The following ZC3H12B variants were observed in gnomAD, a reference collection of about 807,000 sequenced individuals.
ZC3H12B encodes zinc finger CCCH-type containing 12B, also known as probable ribonuclease ZC3H12B.
In ZC3H12B, 7 loss-of-function variants were observed where a neutral mutation model predicts 43.9. That is an observed-to-expected ratio of 0.16 (90% CI 0.09 to 0.30). The LOEUF (loss-of-function observed/expected upper bound fraction) is 0.30, where lower values mean the gene tolerates loss of function less well. Among genes scored for constraint, ZC3H12B ranks in the 10% least tolerant of loss-of-function variants. ZC3H12B has a pLI of 1.00. For synonymous variants in ZC3H12B, 222 were observed against 241.7 expected (o/e 0.92, Z 0.76); for missense variants, 475 against 670.2 (o/e 0.71, Z 3.22).
chrX:65,346,945 A>G, the ZC3H12B span, among the ~76,000 whole-genome samples: 1 of 112,118 alleles, frequency 8.9e-6, no homozygotes, highest in Admixed American at 9.4e-5. Context: ...ACAGCTTTTG[A>G]GCTCTGCTAA....
At chrX:65,191,447 T>A in the ZC3H12B span, among the ~76,000 whole-genome samples, 2 of 101,089 alleles carry the variant, frequency 2.0e-5, no homozygotes, top group South Asian at 9.0e-4. Context: ...TTTTGGTTGG[T>A]AAACTATTGA....
At chrX:65,125,452 T>C in the ZC3H12B span, among the ~76,000 whole-genome samples, 1 of 111,440 alleles carries the variant, frequency 9.0e-6, no homozygotes, top group Non-Finnish European at 1.9e-5. Flanking sequence ...GAATAGAATG[T>C]ATATTTGGGT....
chrX:65,097,125 C>A, the ZC3H12B span, among the ~76,000 whole-genome samples: 1 of 112,100 alleles, frequency 8.9e-6, no homozygotes, highest in East Asian at 2.8e-4. Context: ...AGATACATTT[C>A]TCCAAGTTGA....
rs1402616904 is a variant in ZC3H12B at position 65,448,983 on chromosome X, A to AAGAAAGAAAGAAAGAAAGAAAG, written n.408-39652_408-39651insAAGAAAGAAAGAGAAAGAAAGA. The stretch of plus-strand genomic sequence containing the variant: ...AGAAAGAAAGAAAGAAAGAAAGAGA[A>AAGAAAGAAAGAAAGAAAGAAAG]AGAAAGAAAGAGAGGAAAGAAAGAA... On this transcript the variant is annotated intron_variant and non_coding_transcript_variant, in intron 3 of 5. Coordinates refer to the ZC3H12B transcript ENST00000617377. 7.9e-3 allele frequency among the ~76,000 whole-genome samples: 752 copies of AAGAAAGAAAGAAAGAAAGAAAG among 95,237 alleles called. 22 individuals are homozygous for AAGAAAGAAAGAAAGAAAGAAAG. The highest frequency in any genetic ancestry group is 0.036 in the African/African-American group (711 of 19,690). The allele number at this position is 95,237 out of a possible 115,157, so 82.7% of individuals were successfully genotyped here. A position where few individuals can be genotyped will look rare whatever the true frequency, so the allele number is the denominator to read the frequency against.
At chrX:65,185,876 T>C in the ZC3H12B span, 1 of 111,724 alleles carries the variant, frequency 9.0e-6, no homozygotes, top group African/African-American at 3.2e-5. Context: ...TATTTACTGA[T>C]GTGTGAATGG....
chrX:65,275,410 C>T, the ZC3H12B span, among the ~76,000 whole-genome samples: 1 of 112,929 alleles, frequency 8.9e-6, no homozygotes, highest in African/African-American at 3.2e-5. Context: ...CCTATGCACC[C>T]AATCAGAGTA....
the ZC3H12B span, among the ~76,000 whole-genome samples, chrX:65,056,574 G>C: frequency 1.8e-5 from 2 of 111,767 alleles, no homozygotes; most frequent in African/African-American, 6.5e-5. Flanking sequence ...CTGTTGATTT[G>C]GGGTGGAGAG....
intron 1 of ZC3H12B, 26 bp downstream of exon 6, chrX:65,489,435 C>A: frequency 8.7e-7 from 1 of 1,155,675 alleles, no homozygotes; most frequent in Non-Finnish European, 1.1e-6. Context: ...TTTTTTCTCC[C>A]ATTTTAAAAA....
the ZC3H12B span, among the ~76,000 whole-genome samples, chrX:65,180,355 C>T: frequency 1.8e-5 from 2 of 111,844 alleles, no homozygotes; most frequent in Non-Finnish European, 3.8e-5. Flanking sequence ...GAACATATCT[C>T]AAAATAATAA....
exon 5 of ZC3H12B, chrX:65,502,432 T>C: frequency 8.3e-7 from 1 of 1,210,841 alleles, no homozygotes; most frequent in South Asian, 1.8e-5. Flanking sequence ...ATGCCCGGAA[T>C]CCTAACCTCT....
At chrX:65,386,255 G>T (rs1389092885) in intron 2 of ZC3H12B, among the ~76,000 whole-genome samples, 2 of 111,747 alleles carry the variant, frequency 1.8e-5, no homozygotes, top group Admixed American at 9.5e-5. Flanking sequence ...GGAAGAATTT[G>T]GCTGTGAATC....
At chrX:65,258,262 G>A in the ZC3H12B span, among the ~76,000 whole-genome samples, 1 of 111,938 alleles carries the variant, frequency 8.9e-6, no homozygotes, top group Non-Finnish European at 1.9e-5. Context: ...AGCCTGGTTT[G>A]ATATACTCAA....
the ZC3H12B span, among the ~76,000 whole-genome samples, chrX:65,038,976 C>T: frequency 1.8e-5 from 2 of 110,891 alleles, no homozygotes; most frequent in African/African-American, 3.3e-5. Flanking sequence ...TTTTTCCCAG[C>T]AATTCTTTTT....
the ZC3H12B span, among the ~76,000 whole-genome samples, chrX:65,097,564 G>A: frequency 2.7e-5 from 3 of 111,348 alleles, no homozygotes; most frequent in African/African-American, 9.8e-5. Context: ...TAATGTATCT[G>A]GTCCTGGAAA....
chrX:65,341,121 C>T, the ZC3H12B span, among the ~76,000 whole-genome samples: 2 of 111,734 alleles, frequency 1.8e-5, no homozygotes, highest in African/African-American at 6.5e-5. Context: ...AGCTTGAAGA[C>T]TGGCTTTCTG....
the ZC3H12B span, among the ~76,000 whole-genome samples, chrX:65,327,572 G>T: frequency 9.0e-6 from 1 of 111,330 alleles, no homozygotes; most frequent in African/African-American, 3.3e-5. Context: ...CATAAAAAAA[G>T]AAGCACAAAT....
the ZC3H12B span, among the ~76,000 whole-genome samples, chrX:65,219,337 C>G: frequency 8.9e-6 from 1 of 111,792 alleles, no homozygotes; most frequent in Non-Finnish European, 1.9e-5. Context: ...AAAAAGAATT[C>G]AGAAGGTCAA....
At chrX:65,432,911 A>G (rs2067180360) in intron 3 of ZC3H12B, among the ~76,000 whole-genome samples, 2 of 112,140 alleles carry the variant, frequency 1.8e-5, no homozygotes, top group South Asian at 3.7e-4. Context: ...CCAGTGTGGT[A>G]TCTAGTGGAA....
At chrX:65,212,346 A>C in the ZC3H12B span, among the ~76,000 whole-genome samples, 2 of 52,769 alleles carry the variant, frequency 3.8e-5, no homozygotes, top group Non-Finnish European at 6.2e-5. Context: ...ATATAATATA[A>C]ATATAATTAT....
Sources: allele counts gnomAD v4.1 joint callset (sites outside exome capture counted in the v4.1 genomes callset), GRCh38; gene constraint gnomAD v4.1.1; transcripts MANE v1.5; gene names NCBI Gene and HGNC (gene_info 2026-07-23, HGNC 2026-07-21).